TMTC1: variants seen among roughly 807,000 people sequenced by gnomAD.
TMTC1 encodes the protein transmembrane O-mannosyltransferase targeting cadherins 1.
Under a neutral mutation model 104.8 loss-of-function variants are expected in TMTC1, and 73 were observed. The ratio of observed to expected loss-of-function variants is 0.70; its 90% CI spans 0.58 to 0.85. The LOEUF (loss-of-function observed/expected upper bound fraction) is 0.85, where lower values mean the gene tolerates loss of function less well. TMTC1 is among the 40% of genes least tolerant of loss of function. The probability of loss-of-function intolerance (pLI) is 0.00; values close to 1 mark genes in which losing one functional copy is unlikely to be tolerated. For synonymous variants in TMTC1, 434 were observed against 428.7 expected (o/e 1.01, Z -0.15); for missense variants, 1,035 against 1,096.1 (o/e 0.94, Z 0.79).
chr12:29,527,747 C>CT (rs1201235288), intron 11 of TMTC1, among the ~76,000 whole-genome samples: 10 of 152,194 alleles, frequency 6.6e-5, no homozygotes, highest in South Asian at 4.1e-4. Context: ...TCTAATATTA[C>CT]TTTTTTTCCC....
At chr12:29,720,937 G>A (rs959093888) in intron 5 of TMTC1, among the ~76,000 whole-genome samples, 2 of 152,126 alleles carry the variant, frequency 1.3e-5, no homozygotes, top group African/African-American at 4.8e-5. Context: ...TACAAAAAAA[G>A]TGGCAGAGTG....
chr12:29,652,834 G>A lies in TMTC1; in HGVS notation c.939-19498C>T, dbSNP rs114204635. ...TCCAGCATTTTGGGAAGCCTAGAAGGGTGGATCACCTGAGGTCAGGAGTTC... is the reference window on the plus strand; with the variant it reads ...TCCAGCATTTTGGGAAGCCTAGAAGAGTGGATCACCTGAGGTCAGGAGTTC... On this transcript the variant is annotated intron_variant, in intron 5 of 17. Transcript: ENST00000539277. 8.4e-3 allele frequency among the ~76,000 whole-genome samples: 1,277 copies of A among 152,246 alleles called. 18 individuals carry two copies. Among genetic ancestry groups the A allele is most frequent in the African/African-American group, 0.029 (1,206 of 41,538 alleles).
upstream of TMTC1, among the ~76,000 whole-genome samples, chr12:29,784,060 C>G (rs557238682): frequency 1.6e-4 from 25 of 151,878 alleles, no homozygotes; most frequent in African/African-American, 6.0e-4. Context: ...CCCCGCACAG[C>G]CCGGCGCCCT....
At chr12:29,615,602 G>T (rs1486753719) in intron 6 of TMTC1, among the ~76,000 whole-genome samples, 1 of 152,108 alleles carries the variant, frequency 6.6e-6, no homozygotes, top group African/African-American at 2.4e-5. Flanking sequence ...AACATTTCAT[G>T]AATGGCCTTG....
intron 9 of TMTC1, among the ~76,000 whole-genome samples, chr12:29,569,758 TA>T (rs1320087702): frequency 6.6e-6 from 1 of 152,252 alleles, no homozygotes; most frequent in Non-Finnish European, 1.5e-5. Flanking sequence ...ATGATATTTT[TA>T]ACCAGAAGTA....
At chr12:29,656,930 C>T (rs76065663) in intron 5 of TMTC1, among the ~76,000 whole-genome samples, 2 of 152,174 alleles carry the variant, frequency 1.3e-5, no homozygotes, top group Admixed American at 1.3e-4. Context: ...ACAGCTAGGA[C>T]AGCTGTGAGT....
chr12:29,687,248 T>C (rs993191357), intron 5 of TMTC1, among the ~76,000 whole-genome samples: 4 of 152,174 alleles, frequency 2.6e-5, no homozygotes, highest in Admixed American at 2.6e-4. Flanking sequence ...CAAGTTAACA[T>C]GATGAGTAGT....
chr12:29,577,934 A>G (rs1481562472), intron 8 of TMTC1, among the ~76,000 whole-genome samples: 1 of 152,122 alleles, frequency 6.6e-6, no homozygotes, highest in African/African-American at 2.4e-5. Flanking sequence ...TCAAATTTCT[A>G]TTAAGGAAAA....
intron 5 of TMTC1, among the ~76,000 whole-genome samples, chr12:29,683,494 T>C (rs1242462232): frequency 6.6e-6 from 1 of 152,248 alleles, no homozygotes; most frequent in Non-Finnish European, 1.5e-5. Flanking sequence ...CATCAAATTC[T>C]ACATAAGCCT....
intron 5 of TMTC1, among the ~76,000 whole-genome samples, chr12:29,665,521 C>T (rs1461400449): frequency 6.6e-6 from 1 of 152,174 alleles, no homozygotes; most frequent in Non-Finnish European, 1.5e-5. Flanking sequence ...GAGATCAGAA[C>T]AACCAGCCAA....
intron 10 of TMTC1, among the ~76,000 whole-genome samples, chr12:29,550,925 C>A (rs1225921168): frequency 8.9e-6 from 1 of 112,028 alleles, no homozygotes. Context: ...GAGAGTGGGA[C>A]TCCATCTCAA....
intron 5 of TMTC1, among the ~76,000 whole-genome samples, chr12:29,646,647 G>T (rs112519606): frequency 0.041 from 6,294 of 152,006 alleles, 173 homozygotes; most frequent in Admixed American, 0.066. Context: ...AAATTATGAC[G>T]ACGTAGTTTC....
At chr12:29,682,861 T>C (rs568127393) in intron 5 of TMTC1, among the ~76,000 whole-genome samples, 6 of 152,268 alleles carry the variant, frequency 3.9e-5, no homozygotes, top group Non-Finnish European at 5.9e-5. Context: ...TCCACAGATA[T>C]GATAAAATGG....
chr12:29,740,189 A>C (rs982962849), intron 5 of TMTC1, among the ~76,000 whole-genome samples: 1 of 152,118 alleles, frequency 6.6e-6, no homozygotes, highest in Non-Finnish European at 1.5e-5. Context: ...CATTTTTAAA[A>C]AAAATTTTGA....
At chr12:29,572,776 G>A (rs368945425) in intron 8 of TMTC1, among the ~76,000 whole-genome samples, 19 of 152,138 alleles carry the variant, frequency 1.2e-4, no homozygotes, top group Admixed American at 2.6e-4. Context: ...TGGGCCAGCC[G>A]TTTCTTCCTT....
chr12:29,606,497 T>C (rs1946702680), intron 6 of TMTC1, among the ~76,000 whole-genome samples: 1 of 152,260 alleles, frequency 6.6e-6, no homozygotes, highest in Non-Finnish European at 1.5e-5. Flanking sequence ...TAAGTTGCTA[T>C]TCCCTTTTTA....
chr12:29,757,946 A>G lies in TMTC1; in HGVS notation c.554+758T>C, dbSNP rs185062167. Among the ~76,000 whole-genome samples the G allele has an allele frequency of 3.3e-5, 5 of 152,312 alleles. No individual in the cohort carries two copies. In the East Asian group the frequency reaches 9.7e-4, roughly 29 times the overall value. On this transcript the variant is annotated intron_variant, in intron 3 of 17. Transcript: ENST00000539277. ...CCTCCCACTAGGTTCCTTCCACGAC[A>G]CATGGAAATTGTGGGAGTTACAATT...
At chr12:29,727,874 T>C (rs1000244229) in intron 5 of TMTC1, among the ~76,000 whole-genome samples, 3 of 152,118 alleles carry the variant, frequency 2.0e-5, no homozygotes, top group Non-Finnish European at 4.4e-5. Flanking sequence ...CACTGCAGCC[T>C]TGAACTCCTG....
intron 5 of TMTC1, chr12:29,658,654 G>T: frequency 4.8e-6 from 1 of 210,066 alleles, no homozygotes; most frequent in South Asian, 8.6e-5. Flanking sequence ...CTTCCTTTTC[G>T]AACAGGAACC....
Sources: allele counts gnomAD v4.1 joint callset (sites outside exome capture counted in the v4.1 genomes callset), GRCh38; gene constraint gnomAD v4.1.1; transcripts MANE v1.5; gene names NCBI Gene and HGNC (gene_info 2026-07-23, HGNC 2026-07-21).